The following PCSK6 variants were observed in gnomAD, a reference collection of about 807,000 sequenced individuals.
PCSK6 encodes paired basic amino acid cleaving enzyme 4.
Under a neutral mutation model 123.3 loss-of-function variants are expected in PCSK6, and 85 were observed. The ratio of observed to expected loss-of-function variants is 0.69; its 90% CI spans 0.58 to 0.83. PCSK6 has a LOEUF of 0.83. Among genes scored for constraint, PCSK6 ranks in the 40% least tolerant of loss-of-function variants. The probability of loss-of-function intolerance (pLI) is 0.00; values close to 1 mark genes in which losing one functional copy is unlikely to be tolerated. For missense variants in PCSK6, 1,191 were observed against 1,282.3 expected (o/e 0.93, Z 1.09); for synonymous variants, 508 against 516.0 (o/e 0.98, Z 0.21).
In PCSK6 at chr15:101,443,622, G is replaced by T; in HGVS notation, c.336C>A (p.Ser112Arg). The T allele has an allele frequency of 1.9e-6, 3 of 1,613,922 alleles. No homozygotes were observed. In the South Asian group the frequency reaches 3.3e-5, roughly 18 times the overall value. The stretch of plus-strand genomic sequence containing the variant: ...TCAAGGTTGATCTTTTAAAGGTTTT[G>T]CTGTGATAAAAATGGTAGTAATCTT... ...NLEDYYHFYH[S>R]KTFKRSTLSS... Residue 112 changes from serine to arginine, a missense_variant, in exon 2 of 22, where the codon AGC becomes AGA. Around this residue, in one of 3 missense-constraint regions of PCSK6, gnomAD observed 204 missense variants for 166.4 expected, o/e 1.23. Transcript: ENST00000611716.
At chr15:101,469,823 T>C (rs1212134838) in intron 1 of PCSK6, among the ~76,000 whole-genome samples, 1 of 152,186 alleles carries the variant, frequency 6.6e-6, no homozygotes, top group East Asian at 1.9e-4. Flanking sequence ...AAACAGTGGA[T>C]CTGAAATCTT....
intron 11 of PCSK6, among the ~76,000 whole-genome samples, chr15:101,371,642 T>C (rs1313646695): frequency 6.6e-6 from 1 of 152,226 alleles, no homozygotes; most frequent in Admixed American, 6.5e-5. Context: ...TTAAGGACTG[T>C]ACCCAAGGTG....
intron 7 of PCSK6, among the ~76,000 whole-genome samples, chr15:101,395,706 C>T (rs1157175268): frequency 6.6e-6 from 1 of 152,226 alleles, no homozygotes; most frequent in East Asian, 1.9e-4. Context: ...AGTAAACTCA[C>T]AACTTCAACC....
intron 1 of PCSK6, among the ~76,000 whole-genome samples, chr15:101,479,882 G>A (rs1322777238): frequency 2.0e-5 from 3 of 152,232 alleles, no homozygotes; most frequent in Non-Finnish European, 4.4e-5. Flanking sequence ...AGTGACCACT[G>A]CTGGGGTCCT....
At chr15:101,450,926 C>T (rs1052084543) in intron 1 of PCSK6, among the ~76,000 whole-genome samples, 1 of 151,938 alleles carries the variant, frequency 6.6e-6, no homozygotes, top group Admixed American at 6.6e-5. Context: ...TTCCACTGGC[C>T]AGTGCCCTTC....
intron 1 of PCSK6, among the ~76,000 whole-genome samples, chr15:101,451,025 T>C (rs1187644973): frequency 3.4e-5 from 5 of 148,852 alleles, no homozygotes; most frequent in Non-Finnish European, 6.0e-5. Flanking sequence ...AAGGGAGGGG[T>C]AGGAACCCTC....
chr15:101,309,432 G>A (rs1352885903), intron 20 of PCSK6, among the ~76,000 whole-genome samples: 1 of 152,202 alleles, frequency 6.6e-6, no homozygotes. Flanking sequence ...AGATGCTTCT[G>A]GTTCTGCAAC....
chr15:101,318,273 C>A, intron 19 of PCSK6, 46 bp downstream of exon 19: 1 of 1,394,868 alleles, frequency 7.2e-7, no homozygotes, highest in Non-Finnish European at 1.0e-6. Flanking sequence ...AGCTAGCCTA[C>A]GCTTGGGTGA....
chr15:101,346,934 A>G (rs2040747199), intron 13 of PCSK6: 1 of 1,231,404 alleles, frequency 8.1e-7, no homozygotes, highest in South Asian at 4.1e-5. Context: ...AAACGAGGAG[A>G]GTTTTGGGGA....
At chr15:101,315,042 C>T (rs547433181) in intron 19 of PCSK6, among the ~76,000 whole-genome samples, 3 of 152,328 alleles carry the variant, frequency 2.0e-5, no homozygotes, top group Non-Finnish European at 2.9e-5. Context: ...CTGCTGAACC[C>T]GTCTTCCCCA....
intron 12 of PCSK6, 74 bp downstream of exon 12, chr15:101,370,261 G>T: frequency 7.7e-7 from 1 of 1,297,638 alleles, no homozygotes; most frequent in South Asian, 1.8e-5. Flanking sequence ...GTGGGCCCAA[G>T]ACTGGACAGA....
intron 6 of PCSK6, among the ~76,000 whole-genome samples, chr15:101,425,543 A>C (rs972797159): frequency 6.6e-6 from 1 of 152,244 alleles, no homozygotes; most frequent in African/African-American, 2.4e-5. Flanking sequence ...TCTGGAATTA[A>C]TAGTATACTA....
At chr15:101,380,187 C>G (rs748315338) in intron 11 of PCSK6, among the ~76,000 whole-genome samples, 1 of 152,192 alleles carries the variant, frequency 6.6e-6, no homozygotes, top group African/African-American at 2.4e-5. Context: ...CTCCCTCAAC[C>G]TGTGCTGTCT....
Position 101,347,807 on chromosome 15 carries a change from A to G in PCSK6, c.1859-15776T>C. ...AAAACAAGGGACTGAAGTGAAGCCC[A>G]TGGGCTGAAGCTTTATTGGGAGGTG... On this transcript the variant is annotated intron_variant, in intron 13 of 21. Transcript: ENST00000611716. 3 of 1,584,412 alleles carry G rather than the reference A, an allele frequency of 1.9e-6. No homozygotes were observed. The South Asian group carries it at 3.3e-5, about 18-fold the overall frequency.
At chr15:101,314,315 C>G (rs1052645859) in intron 19 of PCSK6, among the ~76,000 whole-genome samples, 48 of 152,200 alleles carry the variant, frequency 3.2e-4, no homozygotes, top group African/African-American at 1.1e-3. Context: ...CTAGATAGCA[C>G]CTCCTCTGGG....
At chr15:101,362,655 C>T (rs564745153) in intron 13 of PCSK6, among the ~76,000 whole-genome samples, 16 of 152,288 alleles carry the variant, frequency 1.1e-4, no homozygotes, top group African/African-American at 3.6e-4. Context: ...GCCCTGCTCT[C>T]GGTATCCAGC....
intron 8 of PCSK6, among the ~76,000 whole-genome samples, chr15:101,392,907 T>C (rs1158522315): frequency 6.6e-6 from 1 of 152,162 alleles, no homozygotes; most frequent in East Asian, 1.9e-4. Flanking sequence ...AATTTCAGAG[T>C]TAAAACAAGA....
intron 13 of PCSK6, among the ~76,000 whole-genome samples, chr15:101,361,164 C>CTTT (rs754933946): frequency 6.2e-5 from 5 of 80,712 alleles, no homozygotes; most frequent in African/African-American, 1.6e-4. Flanking sequence ...CTTTCTCTCT[C>CTTT]TTTTTTTTTT....
At chr15:101,320,073 CTATT>C (rs574400340) in intron 18 of PCSK6, among the ~76,000 whole-genome samples, 155 of 151,956 alleles carry the variant, frequency 1.0e-3, no homozygotes, top group Admixed American at 2.4e-3. Flanking sequence ...CAGAATTGAG[CTATT>C]TATTTATTTA....
Sources: gnomAD v4.1 joint callset for allele counts (sites outside exome capture counted in the v4.1 genomes callset) on GRCh38, gnomAD v4.1.1 for gene constraint, gnomAD v4.1.1 regional missense constraint, MANE v1.5 for transcripts, NCBI Gene and HGNC (gene_info 2026-07-23, HGNC 2026-07-21) for gene names.